SLC26A5: variants seen among roughly 807,000 people sequenced by gnomAD.
SLC26A5 encodes the protein prestin.
Under a neutral mutation model 81.0 loss-of-function variants are expected in SLC26A5, and 51 were observed. That is an observed-to-expected ratio of 0.63 (90% CI 0.50 to 0.80). The LOEUF (loss-of-function observed/expected upper bound fraction) is 0.80. Ranked by LOEUF, SLC26A5 falls within the 30% of genes least tolerant of loss-of-function variation. The pLI, the probability that SLC26A5 is intolerant of heterozygous loss-of-function variation, is 0.00. For synonymous variants in SLC26A5, 325 were observed against 332.8 expected, an observed-to-expected ratio of 0.98 and a Z score of 0.25; for missense variants, 771 against 905.8, an observed-to-expected ratio of 0.85 and a Z score of 1.91.
chr7:103,406,787 C>T (rs1349237676), intron 8 of SLC26A5, among the ~76,000 whole-genome samples: 1 of 152,188 alleles, frequency 6.6e-6, no homozygotes, highest in African/African-American at 2.4e-5. Context: ...TCCCAAGTAG[C>T]TGGGATTACA....
intron 14 of SLC26A5, 68 bp from the exon 15 acceptor site, chr7:103,380,617 T>C: frequency 7.0e-7 from 1 of 1,418,674 alleles, no homozygotes; most frequent in Non-Finnish European, 1.0e-6. Flanking sequence ...GGAGGTTGTG[T>C]ATGTTTATGT....
intron 8 of SLC26A5, among the ~76,000 whole-genome samples, chr7:103,401,530 T>C (rs1823591060): frequency 6.6e-6 from 1 of 152,240 alleles, no homozygotes; most frequent in Admixed American, 6.5e-5. Flanking sequence ...ACTTCCTCTC[T>C]TCCTATTTGA....
At chr7:103,361,510 C>CAAAAAAAAAAA (rs759044767) in intron 19 of SLC26A5, among the ~76,000 whole-genome samples, 2 of 51,098 alleles carry the variant, frequency 3.9e-5, no homozygotes, top group African/African-American at 6.5e-5. Flanking sequence ...AACTCCATCT[C>CAAAAAAAAAAA]AAAAAAAAAA....
chr7:103,411,278 GT>G (rs1228413186), intron 6 of SLC26A5, 141 bp downstream of exon 6: 1 of 844,608 alleles, frequency 1.2e-6, no homozygotes, highest in African/African-American at 1.7e-5. Flanking sequence ...ATGGCATGCA[GT>G]TGGTCTGCAG....
rs1383138091 is a variant in SLC26A5 at position 103,368,158 on chromosome 7, C to CT, written c.2041+8649dup. The stretch of plus-strand genomic sequence containing the variant: ...AAATAAATGGCTTCAAAATTGTATG[C>CT]TTTTTTCCATATCTCTTCTTGTAAT... On this transcript the variant is annotated intron_variant, in intron 19 of 19. Transcript: ENST00000339444. The CT allele has an allele frequency of 5.0e-6, 5 of 1,009,538 alleles. No individual in the cohort carries two copies. The South Asian group carries it at 5.9e-5, about 12-fold the overall frequency. The allele number at this position is 1,009,538 out of a possible 1,614,324, so 62.5% of individuals were successfully genotyped here. A position where few individuals can be genotyped will look rare whatever the true frequency, so the allele number is the denominator to read the frequency against.
rs981951058 is a variant in SLC26A5, at chr7:103,417,198, T to C, written c.292+3540A>G. The stretch of plus-strand genomic sequence containing the variant: ...CATCCTGGCCAACATGGTGAAACCC[T>C]GTCTCTACTGAAAATACAAAAATTA... On this transcript the variant is annotated intron_variant, in intron 4 of 19. Coordinates refer to ENST00000306312, the MANE Select transcript of SLC26A5 (RefSeq NM_198999.3). Among the ~76,000 whole-genome samples the C allele has an allele frequency of 1.1e-4, 17 of 151,974 alleles. 1 individual carries two copies. In the South Asian group the frequency reaches 2.9e-3, roughly 26 times the overall value.
At chr7:103,416,738 G>A (rs1046477121) in intron 4 of SLC26A5, among the ~76,000 whole-genome samples, 1 of 151,848 alleles carries the variant, frequency 6.6e-6, no homozygotes, top group Non-Finnish European at 1.5e-5. Flanking sequence ...CCTGTTCCAC[G>A]TGTCTCCTCT....
intron 19 of SLC26A5, among the ~76,000 whole-genome samples, chr7:103,361,324 C>A (rs1461522181): frequency 6.8e-6 from 1 of 147,450 alleles, no homozygotes; most frequent in Admixed American, 6.7e-5. Context: ...TCAAGAGAAA[C>A]CCCCTCTCTA....
intron 8 of SLC26A5, among the ~76,000 whole-genome samples, chr7:103,406,628 C>T (rs1430894507): frequency 6.6e-6 from 1 of 152,062 alleles, no homozygotes; most frequent in Non-Finnish European, 1.5e-5. Context: ...TCCTATTCGG[C>T]CATCTTGCCA....
chr7:103,379,124 A>G lies in SLC26A5; in HGVS notation c.1677+119T>C. On this transcript the variant is annotated intron_variant, in intron 16 of 19. Transcript: ENST00000306312. ...TATGTTATGTATATTTTACTACAAT[A>G]AAAGAGAGAGAAACAAAGCGAGAAT... 3.9e-6 allele frequency: 3 copies of G among 762,828 alleles called. No individual in the cohort carries two copies. In the South Asian group the frequency reaches 4.5e-5, roughly 11 times the overall value. 47.3% of individuals were successfully genotyped at this position (762,828 alleles called of 1,614,324 possible).
Position 103,376,809 on chromosome 7 carries a change from A to ACTGCATC in SLC26A5, c.2033_2039dup (p.Ser680ArgfsTer9), listed in dbSNP as rs1291065515. ...ACCCCATCTTAGAGGTATACTCACC[A>ACTGCATC]CTGCATCCTGCTAAGTATACATATA... On this transcript the variant is annotated frameshift_variant and splice_region_variant, in exon 19 of 20. Coordinates refer to ENST00000306312, the MANE Select transcript of SLC26A5 (RefSeq NM_198999.3). LOFTEE classifies it high-confidence loss of function. 3.8e-6 allele frequency: 6 copies of ACTGCATC among 1,599,656 alleles called. No individual in the cohort carries two copies. The highest frequency in any genetic ancestry group is 5.1e-6 in the Non-Finnish European group (6 of 1,167,618).
intron 6 of SLC26A5, among the ~76,000 whole-genome samples, chr7:103,410,805 A>G (rs529752656): frequency 6.6e-6 from 1 of 151,836 alleles, no homozygotes; most frequent in South Asian, 2.1e-4. Flanking sequence ...TAATTTTTGT[A>G]TTTTTAGTAG....
chr7:103,362,067 T>C lies in SLC26A5; in HGVS notation c.2042-9141A>G. On this transcript the variant is annotated intron_variant, in intron 19 of 19. Transcript: ENST00000339444. The stretch of plus-strand genomic sequence containing the variant: ...AGTGATCAGGTGGCACCTACTGACA[T>C]TGAAGAAGGGATGAGAGTGGGGTAA... 6.2e-7 allele frequency: 1 copy of C among 1,613,102 alleles called. No homozygotes were observed. Among genetic ancestry groups the C allele is most frequent in the Non-Finnish European group, 8.5e-7 (1 of 1,179,784 alleles).
At chr7:103,413,794 T>C (rs1824692748) in intron 4 of SLC26A5, among the ~76,000 whole-genome samples, 1 of 151,504 alleles carries the variant, frequency 6.6e-6, no homozygotes, top group African/African-American at 2.4e-5. Context: ...CCTTTAGACA[T>C]TTTTTTTTAA....
rs745684298 is a variant in SLC26A5, at chr7:103,420,812, G to A, written c.218C>T (p.Ala73Val). Residue 73 changes from alanine (A) to valine (V), a missense_variant, in exon 4 of 20, where the codon GCA (alanine) becomes GTA (valine). Ala to Val is a moderately conservative substitution (Grantham distance 64, BLOSUM62 0). Transcript: ENST00000306312. Reference protein sequence around the residue: ...MFLPITKWLPAYKFKEYVLGD... With the variant: ...MFLPITKWLPVYKFKEYVLGD... ...CAACACATATTCCTTGAATTTGTAT[G>A]CTGGCAGCCATTTAGTTATGGGTAG... 1.2e-6 allele frequency: 2 copies of A among 1,613,688 alleles called. No individual in the cohort carries two copies. Among genetic ancestry groups the A allele is most frequent in the Non-Finnish European group, 1.7e-6 (2 of 1,179,590 alleles).
chr7:103,427,026 G>T (rs1348203902), intron 2 of SLC26A5, among the ~76,000 whole-genome samples: 3 of 151,852 alleles, frequency 2.0e-5, no homozygotes, highest in Non-Finnish European at 2.9e-5. Context: ...TTTCGCCACA[G>T]GCAGGAAGGG....
intron 2 of SLC26A5, among the ~76,000 whole-genome samples, chr7:103,430,985 C>A (rs1184753281): frequency 6.6e-6 from 1 of 152,168 alleles, no homozygotes; most frequent in Non-Finnish European, 1.5e-5. Context: ...CTGTGACTCC[C>A]TAAATTAATA....
Position 103,367,943 on chromosome 7 carries a change from C to T in SLC26A5, c.2041+8865G>A. ...GCACAGAGGCTGGTATGTTTGCCAT[C>T]AGAGCACGGCGAAAAATTGCTACCG... On this transcript the variant is annotated intron_variant, in intron 19 of 19. Coordinates refer to the SLC26A5 transcript ENST00000339444. The surrounding 1 kb of genome is among the most constrained non-coding windows in gnomAD (Gnocchi z 6.1). 1 of 1,614,034 alleles carries T rather than the reference C, an allele frequency of 6.2e-7. No homozygotes were observed. The highest frequency in any genetic ancestry group is 8.5e-7 in the Non-Finnish European group (1 of 1,180,012).
intron 19 of SLC26A5, among the ~76,000 whole-genome samples, chr7:103,360,834 G>A (rs1361212758): frequency 1.3e-5 from 2 of 152,158 alleles, no homozygotes; most frequent in Admixed American, 6.5e-5. Flanking sequence ...TCTACTGGCC[G>A]GGTGCAATGG....
Sources: gnomAD v4.1 joint callset for allele counts (sites outside exome capture counted in the v4.1 genomes callset) on GRCh38, gnomAD v4.1.1 for gene constraint, Gnocchi (gnomAD v3.1) non-coding constraint, MANE v1.5 for transcripts, NCBI Gene and HGNC (gene_info 2026-07-23, HGNC 2026-07-21) for gene names.